Variants in DNAJB1 observed in about 807,000 individuals in gnomAD.
DNAJB1 encodes dnaJ homolog subfamily B member 1.
DNAJB1 carries 14 observed loss-of-function variants against 24.0 expected under a neutral mutation model. The ratio of observed to expected loss-of-function variants is 0.58; its 90% CI spans 0.39 to 0.91. The LOEUF (loss-of-function observed/expected upper bound fraction) is 0.91, where lower values mean the gene tolerates loss of function less well. Among genes scored for constraint, DNAJB1 ranks in the 40% least tolerant of loss-of-function variants. DNAJB1 has a pLI of 0.00. For missense variants in DNAJB1, 517 were observed against 458.1 expected (o/e 1.13, Z -1.17); for synonymous variants, 262 against 174.4 (o/e 1.50, Z -3.96).
intron 1 of DNAJB1, chr19:14,545,272 C>G: frequency 2.2e-6 from 1 of 452,232 alleles, no homozygotes; most frequent in East Asian, 7.0e-5. Context: ...CCGGGTGTCA[C>G]CCGCTTCCCC....
chr19:14,558,235 C>T (rs1424751503), intron 1 of DNAJB1, among the ~76,000 whole-genome samples: 2 of 152,182 alleles, frequency 1.3e-5, no homozygotes, highest in African/African-American at 4.8e-5. Context: ...TGTTCACCCA[C>T]CAGGCGGGCG....
upstream of DNAJB1, among the ~76,000 whole-genome samples, chr19:14,553,956 G>T (rs1243416534): frequency 6.6e-6 from 1 of 152,190 alleles, no homozygotes; most frequent in Admixed American, 6.5e-5. Flanking sequence ...TTGTGCCCCA[G>T]ACTCGGGAGA....
chr19:14,517,016 C>G lies in DNAJB1; in HGVS notation c.242G>C (p.Ser81Thr), dbSNP rs763431752. 1.3e-5 allele frequency: 21 copies of G among 1,609,922 alleles called. No individual in the cohort carries two copies. The East Asian group carries it at 4.5e-4, about 34-fold the overall frequency. ...GLKGSGPSGG[S>T]GGGANGTSFS... ...AGAGGTACCATTGGCACCACCGCCG[C>G]TACCGCCACTGGGGCCACTCCCCTT... is the stretch of plus-strand genomic sequence containing the variant. The change falls in exon 2 of 3, where the codon AGC (serine) becomes ACC (threonine). Residue 81 changes from serine (S) to threonine (T), a missense_variant. Physicochemically the swap from Ser to Thr is moderately conservative, Grantham distance 58 (BLOSUM62 1). Coordinates refer to ENST00000254322, the MANE Select transcript of DNAJB1 (RefSeq NM_006145.3).
At chr19:14,556,979 C>T (rs1424220537) in intron 1 of DNAJB1, among the ~76,000 whole-genome samples, 1 of 152,156 alleles carries the variant, frequency 6.6e-6, no homozygotes. Context: ...TGCACCAGCT[C>T]TCTGGCCCTG....
chr19:14,553,517 G>A (rs926438399), upstream of DNAJB1, among the ~76,000 whole-genome samples: 4 of 152,150 alleles, frequency 2.6e-5, no homozygotes, highest in Non-Finnish European at 5.9e-5. Context: ...TGGGGAAGGT[G>A]GTATTTCTGG....
chr19:14,558,363 G>A (rs546369959), intron 1 of DNAJB1, among the ~76,000 whole-genome samples: 16 of 152,262 alleles, frequency 1.1e-4, no homozygotes, highest in Non-Finnish European at 1.8e-4. Flanking sequence ...TCTGTTGCTT[G>A]CGGCACTCCC....
chr19:14,546,075 G>A (rs1238790703), intron 1 of DNAJB1, among the ~76,000 whole-genome samples: 1 of 152,142 alleles, frequency 6.6e-6, no homozygotes, highest in East Asian at 1.9e-4. Flanking sequence ...CCTGGAAGGT[G>A]AGGAAGTGAT....
intron 1 of DNAJB1, among the ~76,000 whole-genome samples, chr19:14,543,150 G>A (rs931163356): frequency 2.0e-5 from 3 of 151,058 alleles, no homozygotes; most frequent in Non-Finnish European, 4.4e-5. Context: ...CTGAAGTCAC[G>A]GAGCTGAGCC....
At chr19:14,518,418 T>C, upstream of DNAJB1, 1 of 1,284,838 alleles carries the variant, frequency 7.8e-7, no homozygotes, top group Non-Finnish European at 1.0e-6. Context: ...AGTCCCGGAC[T>C]CTATATACCC....
upstream of DNAJB1, among the ~76,000 whole-genome samples, chr19:14,554,717 ACT>A (rs2073657098): frequency 6.8e-6 from 1 of 148,096 alleles, no homozygotes; most frequent in African/African-American, 2.5e-5. Context: ...CACCCACTCC[ACT>A]CTCAGGCCAC....
chr19:14,518,386 TC>T lies in DNAJB1; in HGVS notation c.-38del, dbSNP rs1301550417. Reference sequence around the variant, plus strand: ...GCGGCCCGCCGACCCGCTGTCGCCGTCCCCCGGCTCCGCCGCCGACCAGTCC... The same window carrying T: ...GCGGCCCGCCGACCCGCTGTCGCCGTCCCCGGCTCCGCCGCCGACCAGTCC... On this transcript the variant is annotated 5_prime_UTR_variant, in exon 1 of 3. Coordinates refer to ENST00000254322, the MANE Select transcript of DNAJB1 (RefSeq NM_006145.3). 11 of 1,511,956 alleles carry T rather than the reference TC, an allele frequency of 7.3e-6. No homozygotes were observed. The highest frequency in any genetic ancestry group is 9.6e-6 in the Non-Finnish European group (11 of 1,140,068). 93.7% of individuals were successfully genotyped at this position (1,511,956 alleles called of 1,614,324 possible).
chr19:14,518,375 C>A lies in DNAJB1; in HGVS notation c.-26G>T. Reference sequence around the variant, plus strand: ...GACCCCCTCCTGCGGCCCGCCGACCCGCTGTCGCCGTCCCCCGGCTCCGCC... The same window carrying A: ...GACCCCCTCCTGCGGCCCGCCGACCAGCTGTCGCCGTCCCCCGGCTCCGCC... On this transcript the variant is annotated 5_prime_UTR_variant, in exon 1 of 3. Coordinates refer to ENST00000254322, the MANE Select transcript of DNAJB1 (RefSeq NM_006145.3). 1 of 1,527,200 alleles carries A rather than the reference C, an allele frequency of 6.5e-7. No individual in the cohort carries two copies. The highest frequency in any genetic ancestry group is 2.4e-5 in the East Asian group (1 of 42,548). 94.6% of individuals were successfully genotyped at this position (1,527,200 alleles called of 1,614,324 possible).
At chr19:14,547,915 A>T (rs947623942) in intron 1 of DNAJB1, among the ~76,000 whole-genome samples, 5 of 147,798 alleles carry the variant, frequency 3.4e-5, no homozygotes, top group African/African-American at 1.3e-4. Context: ...GCCTCGAGGG[A>T]TCCTCCTGCC....
chr19:14,555,595 G>C (rs1378762245), intron 1 of DNAJB1, among the ~76,000 whole-genome samples: 1 of 151,824 alleles, frequency 6.6e-6, no homozygotes, highest in African/African-American at 2.4e-5. Flanking sequence ...ACAGGTGTGT[G>C]CCACCACACT....
At chr19:14,526,049 G>A (rs774944113) in intron 2 of DNAJB1, among the ~76,000 whole-genome samples, 9 of 152,118 alleles carry the variant, frequency 5.9e-5, no homozygotes, top group Non-Finnish European at 1.3e-4. Context: ...AAATACAAAA[G>A]GAGCTTGTGA....
chr19:14,520,821 C>A (rs2072351232), upstream of DNAJB1, among the ~76,000 whole-genome samples: 1 of 151,884 alleles, frequency 6.6e-6, no homozygotes, highest in Non-Finnish European at 1.5e-5. Context: ...CCCATCTATA[C>A]AAAAAATTAA....
chr19:14,550,257 T>C lies in DNAJB1; in HGVS notation c.-263A>G, dbSNP rs375575278. Among the ~76,000 whole-genome samples, 75 of 152,238 alleles carry C rather than the reference T, an allele frequency of 4.9e-4. 5 individuals carry two copies. In the South Asian group the frequency reaches 0.016, roughly 32 times the overall value. ...TAAAGGAGATGATTCGTGTTGAGGA[T>C]GAGCCTCCGTGCCTGGCTGGTTGTG... On this transcript the variant is annotated 5_prime_UTR_variant, in exon 1 of 4. Coordinates refer to the DNAJB1 transcript ENST00000676982.
upstream of DNAJB1, among the ~76,000 whole-genome samples, chr19:14,521,677 A>C (rs1255886771): frequency 6.6e-6 from 1 of 151,942 alleles, no homozygotes; most frequent in Non-Finnish European, 1.5e-5. Flanking sequence ...GCTGGAGTGC[A>C]GTGGCACGAT....
intron 1 of DNAJB1, among the ~76,000 whole-genome samples, chr19:14,548,190 C>T (rs2073370327): frequency 6.6e-6 from 1 of 151,738 alleles, no homozygotes; most frequent in Admixed American, 6.6e-5. Flanking sequence ...TGTCGATCTC[C>T]TGACTTCATG....
Sources: allele counts gnomAD v4.1 joint callset (sites outside exome capture counted in the v4.1 genomes callset), GRCh38; gene constraint gnomAD v4.1.1; transcripts MANE v1.5; gene names NCBI Gene and HGNC (gene_info 2026-07-23, HGNC 2026-07-21).